The following SLC24A2 variants were observed in gnomAD, a reference collection of about 807,000 sequenced individuals.
The protein encoded by SLC24A2 is solute carrier family 24 member 2.
A neutral mutation model predicts 62.0 loss-of-function variants in SLC24A2; 36 were observed. That is an observed-to-expected ratio of 0.58 (90% CI 0.44 to 0.77). The LOEUF is 0.77. SLC24A2 is among the 30% of genes least tolerant of loss of function. The pLI is 0.00. For missense variants in SLC24A2, 846 were observed against 817.9 expected, an observed-to-expected ratio of 1.03 and a Z score of -0.42; for synonymous variants, 358 against 294.0, an observed-to-expected ratio of 1.22 and a Z score of -2.23.
chr9:19,584,277 A>T (rs1284313349), intron 5 of SLC24A2, among the ~76,000 whole-genome samples: 2 of 12,852 alleles, frequency 1.6e-4, no homozygotes, highest in Admixed American at 1.5e-3. Context: ...AAATAGTAAA[A>T]AAAAAAAAAA....
chr9:19,550,340 C>T, intron 7 of SLC24A2, 72 bp from the exon 8 acceptor site: 3 of 1,492,132 alleles, frequency 2.0e-6, no homozygotes, highest in Non-Finnish European at 2.8e-6. Flanking sequence ...AACAGGAGCA[C>T]AGAACAAAGG....
the SLC24A2 span, among the ~76,000 whole-genome samples, chr9:19,917,190 GT>G: frequency 6.6e-6 from 1 of 150,690 alleles, no homozygotes; most frequent in African/African-American, 2.4e-5. Flanking sequence ...TTCAGGTTTT[GT>G]TTTGTTTTGA....
chr9:19,984,565 G>T, the SLC24A2 span, among the ~76,000 whole-genome samples: 5 of 152,108 alleles, frequency 3.3e-5, no homozygotes, highest in African/African-American at 1.2e-4. Flanking sequence ...AATTAACCAG[G>T]TGTGTTGGTA....
the SLC24A2 span, among the ~76,000 whole-genome samples, chr9:19,872,240 G>A: frequency 2.0e-5 from 3 of 152,302 alleles, no homozygotes; most frequent in East Asian, 3.9e-4. Context: ...CTCAGCTTTG[G>A]AGACTCCTGA....
At chr9:19,868,614 C>G in the SLC24A2 span, among the ~76,000 whole-genome samples, 3 of 152,074 alleles carry the variant, frequency 2.0e-5, no homozygotes, top group Non-Finnish European at 2.9e-5. Flanking sequence ...TTCAGTTCTG[C>G]TCATTTTTTT....
At chr9:20,295,664 C>T in the SLC24A2 span, among the ~76,000 whole-genome samples, 1 of 152,192 alleles carries the variant, frequency 6.6e-6, no homozygotes, top group African/African-American at 2.4e-5. Context: ...TCTTCTGCTG[C>T]TTTGGACATC....
At chr9:20,111,634 C>T in the SLC24A2 span, among the ~76,000 whole-genome samples, 5 of 152,226 alleles carry the variant, frequency 3.3e-5, no homozygotes, top group South Asian at 1.0e-3. Flanking sequence ...CTGGGCCCCT[C>T]CTAGACCTAC....
intron 2 of SLC24A2, among the ~76,000 whole-genome samples, chr9:19,760,538 G>T (rs762742523): frequency 1.3e-5 from 2 of 151,576 alleles, no homozygotes; most frequent in Non-Finnish European, 2.9e-5. Context: ...CCCCCAACAG[G>T]CTCCTGTGTG....
chr9:20,096,391 C>T, the SLC24A2 span, among the ~76,000 whole-genome samples: 10 of 152,246 alleles, frequency 6.6e-5, no homozygotes, highest in East Asian at 1.7e-3. Flanking sequence ...TATAGGGACA[C>T]TAATTATCCA....
At chr9:19,712,330 T>A (rs544784434) in intron 2 of SLC24A2, among the ~76,000 whole-genome samples, 1 of 152,190 alleles carries the variant, frequency 6.6e-6, no homozygotes, top group Non-Finnish European at 1.5e-5. Flanking sequence ...AGAACTTTAG[T>A]GAAATGATCT....
At chr9:19,982,406 C>G in the SLC24A2 span, among the ~76,000 whole-genome samples, 26 of 152,136 alleles carry the variant, frequency 1.7e-4, no homozygotes, top group African/African-American at 5.8e-4. Flanking sequence ...ACCTCATAAA[C>G]AGGAGTTTAC....
At chr9:20,204,994 C>T in the SLC24A2 span, among the ~76,000 whole-genome samples, 1 of 152,082 alleles carries the variant, frequency 6.6e-6, no homozygotes, top group Non-Finnish European at 1.5e-5. Context: ...ATCCACCTCC[C>T]TCGTCCTCCC....
At chr9:19,955,986 G>T in the SLC24A2 span, among the ~76,000 whole-genome samples, 2 of 152,210 alleles carry the variant, frequency 1.3e-5, no homozygotes, top group Non-Finnish European at 2.9e-5. Flanking sequence ...TGTTTGCTCT[G>T]TGTAATGCAT....
the SLC24A2 span, among the ~76,000 whole-genome samples, chr9:19,856,830 C>T: frequency 1.2e-3 from 186 of 152,312 alleles, no homozygotes; most frequent in African/African-American, 4.0e-3. Flanking sequence ...ATCGGTTGCG[C>T]TGCACTGCAC....
intron 7 of SLC24A2, among the ~76,000 whole-genome samples, chr9:19,565,813 C>T (rs151329677): frequency 4.1e-4 from 62 of 152,240 alleles, no homozygotes; most frequent in African/African-American, 1.3e-3. Context: ...TAATACCACA[C>T]ATCTATAACC....
At chr9:19,905,434 G>C in the SLC24A2 span, among the ~76,000 whole-genome samples, 1 of 147,170 alleles carries the variant, frequency 6.8e-6, no homozygotes, top group South Asian at 2.1e-4. Flanking sequence ...TTGAGACAGA[G>C]TTTTGCTCTT....
chr9:19,529,295 A>G (rs10119500), intron 8 of SLC24A2, among the ~76,000 whole-genome samples: 56,476 of 152,050 alleles, frequency 0.37, 10,784 homozygotes, highest in East Asian at 0.56. Flanking sequence ...ACGTTCTGTC[A>G]TGGCTTTTGA....
chr9:19,676,895 A>T (rs1219098666), intron 2 of SLC24A2, among the ~76,000 whole-genome samples: 1 of 152,234 alleles, frequency 6.6e-6, no homozygotes, highest in Non-Finnish European at 1.5e-5. Context: ...ATCTCACACC[A>T]GTCAGAATGG....
At chr9:19,580,514 C>A (rs1359088333) in intron 5 of SLC24A2, among the ~76,000 whole-genome samples, 1 of 152,202 alleles carries the variant, frequency 6.6e-6, no homozygotes, top group East Asian at 1.9e-4. Flanking sequence ...GGACCTGGGG[C>A]AGAAGCCAGC....
Sources: gnomAD v4.1 joint callset for allele counts (sites outside exome capture counted in the v4.1 genomes callset) on GRCh38, gnomAD v4.1.1 for gene constraint, MANE v1.5 for transcripts, NCBI Gene and HGNC (gene_info 2026-07-23, HGNC 2026-07-21) for gene names.